The following RALGPS1 variants were observed in gnomAD, a reference collection of about 807,000 sequenced individuals.
The protein encoded by RALGPS1 is Ral GEF with PH domain and SH3 binding motif 1.
Under a neutral mutation model 78.8 loss-of-function variants are expected in RALGPS1, and 19 were observed. The ratio of observed to expected loss-of-function variants is 0.24; its 90% CI spans 0.17 to 0.35. The LOEUF is 0.35. RALGPS1 is among the 10% of genes least tolerant of loss of function. RALGPS1 has a pLI of 1.00. For synonymous variants in RALGPS1, 228 were observed against 256.3 expected, an observed-to-expected ratio of 0.89 and a Z score of 1.06; for missense variants, 454 against 688.3, an observed-to-expected ratio of 0.66 and a Z score of 3.81.
intron 13 of RALGPS1, among the ~76,000 whole-genome samples, chr9:127,198,239 T>C (rs973050820): frequency 1.3e-5 from 2 of 152,202 alleles, no homozygotes; most frequent in Non-Finnish European, 2.9e-5. Flanking sequence ...TGATGAGGGC[T>C]GTTACTCAGA....
At chr9:127,078,670 A>G (rs1291431333) in intron 8 of RALGPS1, among the ~76,000 whole-genome samples, 1 of 152,190 alleles carries the variant, frequency 6.6e-6, no homozygotes, top group Non-Finnish European at 1.5e-5. Flanking sequence ...CAAAGGGAGG[A>G]TCTGCAGTCA....
chr9:127,054,031 G>A (rs990637265), intron 7 of RALGPS1, among the ~76,000 whole-genome samples: 23 of 152,172 alleles, frequency 1.5e-4, no homozygotes, highest in Non-Finnish European at 2.2e-4. Context: ...CTTGGGTGCC[G>A]CCAGGGGCTG....
At chr9:127,132,170 G>A (rs2057049007) in intron 8 of RALGPS1, among the ~76,000 whole-genome samples, 1 of 152,288 alleles carries the variant, frequency 6.6e-6, no homozygotes, top group Non-Finnish European at 1.5e-5. Context: ...GGAGCTGGCT[G>A]TCTTGCCCTT....
At chr9:127,107,577 A>G (rs937618970) in intron 8 of RALGPS1, among the ~76,000 whole-genome samples, 1 of 152,198 alleles carries the variant, frequency 6.6e-6, no homozygotes, top group Non-Finnish European at 1.5e-5. Flanking sequence ...TGCAGGAGAG[A>G]CATTCTCTTC....
chr9:127,176,267 G>A (rs961105834), intron 11 of RALGPS1, among the ~76,000 whole-genome samples: 1 of 152,146 alleles, frequency 6.6e-6, no homozygotes, highest in Non-Finnish European at 1.5e-5. Flanking sequence ...TGTGGCAGGT[G>A]ACCCCCAGCA....
chr9:127,010,697 G>A (rs755220602), intron 4 of RALGPS1, among the ~76,000 whole-genome samples: 1 of 152,322 alleles, frequency 6.6e-6, no homozygotes, highest in Non-Finnish European at 1.5e-5. Context: ...GGTGGGCTGG[G>A]AGCCCACAGA....
In RALGPS1 at chr9:127,042,374, T is replaced by C. The variant is rs10987549; in HGVS notation, c.301-7669T>C. On this transcript the variant is annotated intron_variant, in intron 5 of 18. Transcript: ENST00000259351. The stretch of plus-strand genomic sequence containing the variant: ...GGCTCCTTCAGCAATTGGAAATCAA[T>C]TAATGTAATCCACTGTACAATAGGC... Among the ~76,000 whole-genome samples, 21 of 152,298 alleles carry C rather than the reference T, an allele frequency of 1.4e-4. No homozygotes were observed. The East Asian group carries it at 3.3e-3, about 24-fold the overall frequency.
intron 18 of RALGPS1, among the ~76,000 whole-genome samples, chr9:127,215,413 C>T (rs573834736): frequency 2.6e-5 from 4 of 152,368 alleles, no homozygotes; most frequent in East Asian, 1.9e-4. Flanking sequence ...AGCCGTCCCA[C>T]GAAGGGTGTT....
chr9:126,935,572 T>G (rs1294611309), intron 1 of RALGPS1, among the ~76,000 whole-genome samples: 2 of 152,332 alleles, frequency 1.3e-5, no homozygotes, highest in Admixed American at 1.3e-4. Context: ...TCTGATGCAT[T>G]TCTGCACAGG....
At chr9:126,994,637 C>G (rs1191143733) in intron 4 of RALGPS1, among the ~76,000 whole-genome samples, 7 of 152,220 alleles carry the variant, frequency 4.6e-5, no homozygotes, top group Admixed American at 6.5e-5. Flanking sequence ...CATCCCCAAT[C>G]TAGCAAGACA....
intron 1 of RALGPS1, among the ~76,000 whole-genome samples, chr9:126,950,259 C>G (rs1336512674): frequency 6.6e-6 from 1 of 152,164 alleles, no homozygotes; most frequent in African/African-American, 2.4e-5. Flanking sequence ...ATGCCTCCAG[C>G]TTTGTTCTTT....
Position 127,212,764 on chromosome 9 carries a change from G to T in RALGPS1, c.1446+45G>T. 2 of 1,541,642 alleles carry T rather than the reference G, an allele frequency of 1.3e-6. No homozygotes were observed. The highest frequency in any genetic ancestry group is 2.3e-5 in the East Asian group (1 of 43,842). Reference sequence around the variant, plus strand: ...TCTAGTGCTGGGACTTCCTCTAGTGGGGAAGGGACCTCTGTGAACTGTGGA... The same window carrying T: ...TCTAGTGCTGGGACTTCCTCTAGTGTGGAAGGGACCTCTGTGAACTGTGGA... On this transcript the variant is annotated intron_variant, in intron 16 of 18. Coordinates refer to ENST00000259351, the MANE Select transcript of RALGPS1 (RefSeq NM_014636.3). The surrounding 1 kb of genome is among the most constrained non-coding windows in gnomAD (Gnocchi z 6.0).
At chr9:126,997,220 T>C (rs2042856554) in intron 4 of RALGPS1, among the ~76,000 whole-genome samples, 1 of 152,098 alleles carries the variant, frequency 6.6e-6, no homozygotes, top group Admixed American at 6.6e-5. Context: ...GGGTATTCAA[T>C]TAGGAAAAGA....
At chr9:126,931,428 T>C (rs940634309) in intron 1 of RALGPS1, among the ~76,000 whole-genome samples, 4 of 152,244 alleles carry the variant, frequency 2.6e-5, no homozygotes, top group Non-Finnish European at 5.9e-5. Context: ...TAAAGGAGTA[T>C]TATTCAGCCA....
intron 11 of RALGPS1, among the ~76,000 whole-genome samples, chr9:127,186,362 T>C (rs1239566522): frequency 2.0e-5 from 3 of 152,196 alleles, no homozygotes; most frequent in Admixed American, 6.5e-5. Context: ...GTCCGTGCCA[T>C]ATCGGGGCTG....
intron 1 of RALGPS1, among the ~76,000 whole-genome samples, chr9:126,955,565 A>G (rs948511214): frequency 6.6e-6 from 1 of 152,234 alleles, no homozygotes; most frequent in Non-Finnish European, 1.5e-5. Flanking sequence ...ATAAAGATAT[A>G]TATTCCCTTA....
At chr9:127,188,393 C>G (rs913966943) in intron 11 of RALGPS1, among the ~76,000 whole-genome samples, 1 of 152,170 alleles carries the variant, frequency 6.6e-6, no homozygotes, top group Non-Finnish European at 1.5e-5. Flanking sequence ...TTTCAGTCCT[C>G]TATACACCTC....
intron 8 of RALGPS1, among the ~76,000 whole-genome samples, chr9:127,130,647 T>G (rs2056940099): frequency 6.6e-6 from 1 of 152,238 alleles, no homozygotes; most frequent in Non-Finnish European, 1.5e-5. Context: ...GTGCATGTAT[T>G]GACATCCAAA....
chr9:127,119,335 C>G (rs1249334136), intron 8 of RALGPS1, among the ~76,000 whole-genome samples: 1 of 152,178 alleles, frequency 6.6e-6, no homozygotes, highest in Non-Finnish European at 1.5e-5. Context: ...GTTGGTGCAG[C>G]ATTCGATAGG....
Sources: allele counts gnomAD v4.1 joint callset (sites outside exome capture counted in the v4.1 genomes callset), GRCh38; gene constraint gnomAD v4.1.1; non-coding constraint Gnocchi (gnomAD v3.1); transcripts MANE v1.5; gene names NCBI Gene and HGNC (gene_info 2026-07-23, HGNC 2026-07-21).